The following HERC1 variants were observed in gnomAD, a reference collection of about 807,000 sequenced individuals.
The protein encoded by HERC1 is probable E3 ubiquitin-protein ligase HERC1.
Under a neutral mutation model 554.3 loss-of-function variants are expected in HERC1, and 160 were observed. That is an observed-to-expected ratio of 0.29 (90% CI 0.25 to 0.33). HERC1 has a LOEUF of 0.33. HERC1 is among the 10% of genes least tolerant of loss of function. HERC1 has a pLI of 1.00. For synonymous variants in HERC1, 2,175 were observed against 2,131.7 expected, an observed-to-expected ratio of 1.02 and a Z score of -0.56; for missense variants, 4,919 against 5,918.5, an observed-to-expected ratio of 0.83 and a Z score of 5.54.
intron 17 of HERC1, among the ~76,000 whole-genome samples, chr15:63,726,234 A>G (rs986040896): frequency 3.9e-5 from 6 of 152,198 alleles, no homozygotes; most frequent in African/African-American, 1.4e-4. Context: ...CGGCGGCCTC[A>G]GCCTCCCAAA....
intron 1 of HERC1, among the ~76,000 whole-genome samples, chr15:63,794,895 A>C (rs557205477): frequency 1.3e-5 from 2 of 151,988 alleles, no homozygotes; most frequent in East Asian, 3.9e-4. Context: ...GCAAAATTCT[A>C]TCTCTACTAA....
intron 69 of HERC1, among the ~76,000 whole-genome samples, chr15:63,629,716 G>A (rs935455677): frequency 6.6e-6 from 1 of 152,140 alleles, no homozygotes; most frequent in African/African-American, 2.4e-5. Context: ...GCAGTGATGA[G>A]GAGACCACAG....
rs1401345727 is a variant in HERC1 at position 63,661,891 on chromosome 15, T to C, written c.9032A>G (p.Tyr3011Cys). The change falls in exon 45 of 78, where the codon TAT (tyrosine) becomes TGT (cysteine). Residue 3011 changes from tyrosine (Y) to cysteine (C), a missense_variant. Coordinates refer to ENST00000443617, the MANE Select transcript of HERC1 (RefSeq NM_003922.4). ...GCGRSANRQG[Y>C]RSNGSYVDGW... ...ATCCACATAGGAACCATTGCTGCGA[T>C]AGCCCTGGCGGTTTGCACTGCGCCC... is the stretch of plus-strand genomic sequence containing the variant. 4 of 1,613,906 alleles carry C rather than the reference T, an allele frequency of 2.5e-6. No homozygotes were observed. The highest frequency in any genetic ancestry group is 2.7e-5 in the African/African-American group (2 of 74,928).
In HERC1 at chr15:63,611,038, G is replaced by T. The variant is rs566255461; in HGVS notation, c.14400+1213C>A. Among the ~76,000 whole-genome samples, 8 of 152,310 alleles carry T rather than the reference G, an allele frequency of 5.3e-5. 1 individual carries two copies. Among genetic ancestry groups the T allele is most frequent in the African/African-American group, 1.9e-4 (8 of 41,562 alleles). On this transcript the variant is annotated intron_variant, in intron 77 of 77. Coordinates refer to ENST00000443617, the MANE Select transcript of HERC1 (RefSeq NM_003922.4). ...TCTAGGAGGGGTTCTTGGAGGAGAT[G>T]ACTGGCATTGGGCTTATAGGATGAG...
chr15:63,759,306 A>C (rs929056691), intron 3 of HERC1, among the ~76,000 whole-genome samples: 5 of 152,222 alleles, frequency 3.3e-5, no homozygotes, highest in Non-Finnish European at 7.3e-5. Flanking sequence ...TCACACGTAT[A>C]TCTGAATATA....
intron 54 of HERC1, 49 bp downstream of exon 54, chr15:63,649,676 G>T (rs182858808): frequency 6.8e-7 from 1 of 1,480,444 alleles, no homozygotes; most frequent in Admixed American, 1.8e-5. Flanking sequence ...GCTAAGTCTA[G>T]AAAGGAAGTT....
intron 75 of HERC1, 141 bp downstream of exon 75, chr15:63,616,288 CT>C: frequency 1.2e-6 from 1 of 865,990 alleles, no homozygotes; most frequent in Non-Finnish European, 1.8e-6. Flanking sequence ...GGTTGAGCTG[CT>C]AAGGGCAGCA....
Position 63,616,530 on chromosome 15 carries a change from G to T in HERC1, c.13841C>A (p.Thr4614Asn). 6.2e-7 allele frequency: 1 copy of T among 1,614,008 alleles called. No homozygotes were observed. The highest frequency in any genetic ancestry group is 8.5e-7 in the Non-Finnish European group (1 of 1,179,896). Residue 4614 changes from threonine to asparagine, a missense_variant, in exon 75 of 78, where the codon ACC becomes AAC. This residue lies in a region of HERC1 where 284 missense variants were observed against 294.1 expected (regional missense o/e 0.97). Coordinates refer to ENST00000443617, the MANE Select transcript of HERC1 (RefSeq NM_003922.4). ...VWKQLCCVPL[T>N]LEDLEEVDLL... ...ATCCACCTCCTCCAGGTCCTCTAGG[G>T]TGAGTGGGACACAGCACAGCTGCTT...
intron 1 of HERC1, among the ~76,000 whole-genome samples, chr15:63,792,356 G>A (rs1203790443): frequency 6.6e-6 from 1 of 152,032 alleles, no homozygotes; most frequent in African/African-American, 2.4e-5. Context: ...CACAAAATTG[G>A]TTCTTACTAC....
intron 1 of HERC1, among the ~76,000 whole-genome samples, chr15:63,792,536 A>C (rs2144279031): frequency 6.6e-6 from 1 of 152,352 alleles, no homozygotes; most frequent in South Asian, 2.1e-4. Context: ...TTTAAGCAAG[A>C]AATTACTTTA....
intron 74 of HERC1, among the ~76,000 whole-genome samples, chr15:63,621,182 A>T (rs1198141651): frequency 1.3e-5 from 2 of 152,216 alleles, no homozygotes; most frequent in African/African-American, 4.8e-5. Flanking sequence ...CTTTTAGGGC[A>T]GGCCTGGTGG....
rs143229625 is a variant in HERC1 at position 63,747,682 on chromosome 15, GCA to G, written c.2354+40_2354+41del. On this transcript the variant is annotated intron_variant, in intron 11 of 77. Transcript: ENST00000443617. The stretch of plus-strand genomic sequence containing the variant: ...TTTATACACATGCACACACGCGCGC[GCA>G]CACACACACACAAAGATACAAAACA... 1.9e-3 allele frequency: 1,958 copies of G among 1,051,050 alleles called. 2 individuals are homozygous for G. The highest frequency in any genetic ancestry group is 8.6e-3 in the African/African-American group (540 of 62,584). The allele number at this position is 1,051,050 out of a possible 1,614,324, so 65.1% of individuals were successfully genotyped here.
At chr15:63,702,118 G>T (rs965942715) in intron 25 of HERC1, among the ~76,000 whole-genome samples, 4 of 151,900 alleles carry the variant, frequency 2.6e-5, no homozygotes, top group African/African-American at 9.7e-5. Context: ...AAGCTAAAAG[G>T]GGAAAAAAAT....
At chr15:63,759,831 T>C (rs952082946) in intron 3 of HERC1, among the ~76,000 whole-genome samples, 1 of 152,230 alleles carries the variant, frequency 6.6e-6, no homozygotes, top group Non-Finnish European at 1.5e-5. Context: ...GTCATCTTGG[T>C]CAGATACTTT....
In HERC1 at chr15:63,774,932, C is replaced by G; in HGVS notation, c.692G>C (p.Gly231Ala). ...CLSQVTTFLK[G>A]VTIPNSGADT... The stretch of plus-strand genomic sequence containing the variant: ...TGCCCCAGAATTAGGAATAGTGACT[C>G]CTTTAAGAAATGTTGTTACTTGCGA... Residue 231 changes from glycine (G) to alanine (A), a missense_variant, in exon 2 of 78, where the codon GGA (glycine) becomes GCA (alanine). By Grantham distance (60) the Gly-to-Ala change is moderately conservative (BLOSUM62 0). Transcript: ENST00000443617. The G allele has an allele frequency of 6.2e-7, 1 of 1,613,992 alleles. No homozygotes were observed. Among genetic ancestry groups the G allele is most frequent in the Non-Finnish European group, 8.5e-7 (1 of 1,179,886 alleles).
chr15:63,656,003 G>C (rs1355730783), intron 49 of HERC1, 48 bp from the exon 50 acceptor site: 2 of 1,591,200 alleles, frequency 1.3e-6, no homozygotes, highest in Non-Finnish European at 1.7e-6. Flanking sequence ...ATGTAATTTT[G>C]GAACAAAAAT....
chr15:63,754,276 T>C (rs2075348498), intron 7 of HERC1, among the ~76,000 whole-genome samples: 1 of 152,086 alleles, frequency 6.6e-6, no homozygotes, highest in Non-Finnish European at 1.5e-5. Context: ...TAAAAACACA[T>C]CTAAGTAGAA....
intron 19 of HERC1, among the ~76,000 whole-genome samples, chr15:63,720,134 ACT>A (rs1002199889): frequency 4.9e-3 from 1 of 206 alleles, no homozygotes; most frequent in Non-Finnish European, 0.016. Flanking sequence ...ACAGGGTCTC[ACT>A]CCTGCTGTCC....
chr15:63,769,941 T>C (rs965299203), intron 2 of HERC1, among the ~76,000 whole-genome samples: 26 of 152,130 alleles, frequency 1.7e-4, no homozygotes, highest in Admixed American at 1.7e-3. Flanking sequence ...ACAATTTTTT[T>C]CCCCTCACAT....
Sources: allele counts gnomAD v4.1 joint callset (sites outside exome capture counted in the v4.1 genomes callset), GRCh38; gene constraint gnomAD v4.1.1; regional missense constraint gnomAD v4.1.1; transcripts MANE v1.5; gene names NCBI Gene and HGNC (gene_info 2026-07-23, HGNC 2026-07-21).